ABCA4: variants seen among roughly 807,000 people sequenced by gnomAD.
ABCA4 encodes the protein ATP binding cassette subfamily A member 4, also known as retinal-specific phospholipid-transporting ATPase ABCA4.
A neutral mutation model predicts 263.7 loss-of-function variants in ABCA4; 196 were observed. That is an observed-to-expected ratio of 0.74 (90% CI 0.66 to 0.84). The LOEUF is 0.84. Ranked by LOEUF, ABCA4 falls within the 40% of genes least tolerant of loss-of-function variation. The pLI is 0.00. For synonymous variants in ABCA4, 1,133 were observed against 1,094.2 expected (o/e 1.04, Z -0.70); for missense variants, 2,792 against 2,855.1 (o/e 0.98, Z 0.50).
intron 47 of ABCA4, 143 bp from the exon 48 acceptor site, chr1:93,998,253 G>A: frequency 3.6e-6 from 4 of 1,102,372 alleles, no homozygotes; most frequent in Non-Finnish European, 5.4e-6. Context: ...CAATTTGGGA[G>A]GTAGAGGTGG....
At position 94,120,920 on chromosome 1, in the gene ABCA4, A is replaced by G. The variant is rs1373000418; in HGVS notation, c.66+60T>C. ...ACCCTACCCCACCACCCCACCCCAC[A>G]CTTCCAACCTGTTTATTTGCTCCAC... is the stretch of plus-strand genomic sequence containing the variant. On this transcript the variant is annotated intron_variant, in intron 1 of 49. Transcript: ENST00000370225. 3 of 440,440 alleles carry G rather than the reference A, an allele frequency of 6.8e-6. No homozygotes were observed. The African/African-American group carries it at 1.2e-4, about 17-fold the overall frequency. The allele number at this position is 440,440 out of a possible 1,614,324, so 27.3% of individuals were successfully genotyped here. A position where few individuals can be genotyped will look rare whatever the true frequency, so the allele number is the denominator to read the frequency against.
chr1:94,069,793 G>C (rs934887401), intron 11 of ABCA4, among the ~76,000 whole-genome samples: 2 of 152,160 alleles, frequency 1.3e-5, no homozygotes, highest in Non-Finnish European at 2.9e-5. Flanking sequence ...TATCTTGCAC[G>C]CTGGGCACCG....
intron 5 of ABCA4, among the ~76,000 whole-genome samples, chr1:94,102,779 T>C (rs1662317531): frequency 2.0e-5 from 3 of 152,204 alleles, no homozygotes; most frequent in Non-Finnish European, 4.4e-5. Flanking sequence ...CTTCCAGTTA[T>C]AAAAACCTGA....
At chr1:94,025,935 A>G (rs1482924151) in intron 30 of ABCA4, among the ~76,000 whole-genome samples, 1 of 152,228 alleles carries the variant, frequency 6.6e-6, no homozygotes, top group African/African-American at 2.4e-5. Flanking sequence ...TGTGACATTA[A>G]TGAAAGAATT....
rs1388384690 is a variant in ABCA4 at position 94,108,734 on chromosome 1, C to T, written c.303-18G>A. On this transcript the variant is annotated intron_variant, in intron 3 of 49. Transcript: ENST00000370225. ...TTGCCAAGCTGTAAGGACAAAGCCT[C>T]ATTAATAAGGAAATAGCTGTTATTT... is the stretch of plus-strand genomic sequence containing the variant. 1.9e-6 allele frequency: 3 copies of T among 1,613,308 alleles called. No homozygotes were observed. The Admixed American group carries it at 5.0e-5, about 27-fold the overall frequency.
chr1:94,084,958 C>T (rs1263748845), intron 6 of ABCA4, among the ~76,000 whole-genome samples: 1 of 152,170 alleles, frequency 6.6e-6, no homozygotes. Flanking sequence ...TCCCTCCTGT[C>T]TCCCCTGAGA....
intron 27 of ABCA4, 73 bp from the exon 28 acceptor site, chr1:94,031,193 T>A: frequency 6.3e-7 from 1 of 1,582,746 alleles, no homozygotes; most frequent in South Asian, 1.1e-5. Flanking sequence ...CACACACATC[T>A]TCATTCTTTT....
intron 11 of ABCA4, among the ~76,000 whole-genome samples, chr1:94,075,949 C>A (rs1321700100): frequency 6.6e-6 from 1 of 152,160 alleles, no homozygotes; most frequent in Non-Finnish European, 1.5e-5. Context: ...GGCCAGGAAG[C>A]ACAGAGGAGT....
At chr1:93,995,060 G>A (rs1174942987) in intron 49 of ABCA4, among the ~76,000 whole-genome samples, 1 of 152,252 alleles carries the variant, frequency 6.6e-6, no homozygotes, top group African/African-American at 2.4e-5. Context: ...ATGGGAATCA[G>A]TGGCTGGAAG....
Position 94,057,533 on chromosome 1 carries a change from G to A in ABCA4, c.2161-711C>T, listed in dbSNP as rs538286140. ...CCTGGGGCCTGGCCTGTCCTATGCC[G>A]TCATCTATACTTGATTTTCTGAGGT... is the stretch of plus-strand genomic sequence containing the variant. On this transcript the variant is annotated intron_variant, in intron 14 of 49. Coordinates refer to ENST00000370225, the MANE Select transcript of ABCA4 (RefSeq NM_000350.3). Among the ~76,000 whole-genome samples, 65 of 152,286 alleles carry A rather than the reference G, an allele frequency of 4.3e-4. 2 individuals are homozygous for A. Among genetic ancestry groups the A allele is most frequent in the South Asian group, 1.0e-3 (5 of 4,814 alleles).
intron 40 of ABCA4, 110 bp downstream of exon 40, chr1:94,010,688 GAA>G: frequency 6.6e-7 from 1 of 1,512,818 alleles, no homozygotes; most frequent in Non-Finnish European, 9.1e-7. Context: ...TGAGAATGTA[GAA>G]AAAACATTGT....
rs61752411 is a variant in ABCA4 at position 94,044,715 on chromosome 1, G to A, written c.2948C>T (p.Thr983Ile). Residue 983 changes from threonine (T) to isoleucine (I), a missense_variant, in exon 20 of 50, where the codon ACC becomes ATC. Physicochemically the swap from Thr to Ile is moderately conservative, Grantham distance 89. Transcript: ENST00000370225. ...LSILTGLLPP[T>I]SGTVLVGGRD... ...TCCCCCAACGAGCACAGTCCCAGAG[G>A]TTGGTGGCAACAGACCCGTCAGGAT... 1.2e-6 allele frequency: 2 copies of A among 1,614,246 alleles called. No individual in the cohort carries two copies. The highest frequency in any genetic ancestry group is 2.2e-5 in the East Asian group (1 of 44,880).
chr1:94,056,430 G>A (rs564733553), intron 15 of ABCA4, among the ~76,000 whole-genome samples, 171 bp downstream of exon 15: 2 of 152,196 alleles, frequency 1.3e-5, no homozygotes, highest in Admixed American at 1.3e-4. Context: ...ATCGCTCGGG[G>A]TGAGGACTGC....
At chr1:94,111,649 T>A in intron 2 of ABCA4, 70 bp from the exon 3 acceptor site, 1 of 1,588,632 alleles carries the variant, frequency 6.3e-7, no homozygotes, top group East Asian at 2.2e-5. Flanking sequence ...ACCTAGGAGT[T>A]GGCCTTTTTG....
intron 18 of ABCA4, 105 bp from the exon 19 acceptor site, chr1:94,047,198 C>T: frequency 7.7e-7 from 1 of 1,306,596 alleles, no homozygotes; most frequent in Non-Finnish European, 1.1e-6. Context: ...TCACCTGCCC[C>T]TGTGGCTTCG....
chr1:94,041,145 G>A (rs1462105248), intron 23 of ABCA4, 64 bp downstream of exon 23: 6 of 1,550,934 alleles, frequency 3.9e-6, no homozygotes, highest in African/African-American at 1.4e-5. Flanking sequence ...TGTCTGGAGT[G>A]GCAGCCCCGT....
chr1:94,038,823 G>C (rs1570368672), intron 24 of ABCA4, among the ~76,000 whole-genome samples: 1 of 152,140 alleles, frequency 6.6e-6, no homozygotes, highest in Non-Finnish European at 1.5e-5. Context: ...TGGTATGTGG[G>C]TGTGTTTAAG....
At chr1:94,103,249 AG>A in intron 4 of ABCA4, 107 bp from the exon 5 acceptor site, 1 of 1,445,148 alleles carries the variant, frequency 6.9e-7, no homozygotes. Context: ...TCTCAGAGGA[AG>A]GTTCTGTTCT....
intron 4 of ABCA4, among the ~76,000 whole-genome samples, chr1:94,105,529 T>C (rs1662408429): frequency 6.6e-6 from 1 of 151,602 alleles, no homozygotes; most frequent in South Asian, 2.1e-4. Context: ...GAGGGAGAAA[T>C]GTGAACTGGG....
Sources: allele counts gnomAD v4.1 joint callset (sites outside exome capture counted in the v4.1 genomes callset), GRCh38; gene constraint gnomAD v4.1.1; transcripts MANE v1.5; gene names NCBI Gene and HGNC (gene_info 2026-07-23, HGNC 2026-07-21).